CEP350: variants seen among roughly 807,000 people sequenced by gnomAD.
The protein encoded by CEP350 is centrosome-associated protein 350.
CEP350 carries 126 observed loss-of-function variants against 331.8 expected under a neutral mutation model. That is an observed-to-expected ratio of 0.38 (90% CI 0.33 to 0.44). CEP350 has a LOEUF of 0.44. CEP350 is among the 20% of genes least tolerant of loss of function. The pLI, the probability that CEP350 is intolerant of heterozygous loss-of-function variation, is 1.00. For missense variants in CEP350, 3,406 were observed against 3,634.6 expected (o/e 0.94, Z 1.62); for synonymous variants, 1,200 against 1,259.5 (o/e 0.95, Z 1.00).
rs1028199520 is a variant in CEP350, at chr1:180,022,693, G to T, written c.3236-5G>T. 1.2e-6 allele frequency: 2 copies of T among 1,605,166 alleles called. No individual in the cohort carries two copies. The highest frequency in any genetic ancestry group is 1.7e-4 in the Middle Eastern group (1 of 6,042). ...TAACCATGTTTCAATTATTACTTTTGTCAGGGTTTGAAGACAAGTTGGACA... is the reference window on the plus strand; with the variant it reads ...TAACCATGTTTCAATTATTACTTTTTTCAGGGTTTGAAGACAAGTTGGACA... On this transcript the variant is annotated splice_polypyrimidine_tract_variant and splice_region_variant and intron_variant, in intron 12 of 37. Coordinates refer to ENST00000367607, the MANE Select transcript of CEP350 (RefSeq NM_014810.5).
chr1:179,969,510 A>C (rs1311403010), intron 1 of CEP350: 1 of 455,702 alleles, frequency 2.2e-6, no homozygotes, highest in Non-Finnish European at 4.4e-6. Flanking sequence ...AATTGGCCTT[A>C]AGCTGTTCTT....
intron 37 of CEP350, among the ~76,000 whole-genome samples, chr1:180,102,676 G>A (rs975784912): frequency 6.6e-6 from 1 of 151,972 alleles, no homozygotes; most frequent in African/African-American, 2.4e-5. Flanking sequence ...TTCTGAGCTC[G>A]GTTGCATCTA....
Position 180,031,309 on chromosome 1 carries a change from T to A in CEP350, c.3551-11T>A, listed in dbSNP as rs771477890. ...ATTGGGAATCAGCTTTATAAGAAAT[T>A]TACTTTACAGGGTTGGATTCATTCA... On this transcript the variant is annotated splice_polypyrimidine_tract_variant and intron_variant, in intron 14 of 37. Transcript: ENST00000367607. 1 of 1,564,588 alleles carries A rather than the reference T, an allele frequency of 6.4e-7. No individual in the cohort carries two copies. The highest frequency in any genetic ancestry group is 1.1e-5 in the South Asian group (1 of 87,658).
chr1:180,077,562 G>A (rs550347130), intron 28 of CEP350, among the ~76,000 whole-genome samples: 1 of 151,520 alleles, frequency 6.6e-6, no homozygotes, highest in Non-Finnish European at 1.5e-5. Flanking sequence ...AGCTACTTAG[G>A]GGGCAGAGGC....
rs1466771786 is a variant in CEP350, at chr1:180,094,063, A to G, written c.7958A>G (p.Gln2653Arg). 6.2e-7 allele frequency: 1 copy of G among 1,613,910 alleles called. No homozygotes were observed. Among genetic ancestry groups the G allele is most frequent in the East Asian group, 2.2e-5 (1 of 44,874 alleles). Residue 2653 changes from glutamine to arginine, a missense_variant, in exon 34 of 38, where the codon CAG (glutamine) becomes CGG (arginine). Gln to Arg is a conservative substitution (Grantham distance 43, BLOSUM62 1). Transcript: ENST00000367607. ...ISGVLEAHVH[Q>R]QSSVDSQISS... Reference sequence around the variant, plus strand: ...GGGGTACTTGAAGCCCATGTTCACCAGCAGTCTTCAGTGGATTCACAGATT... The same window carrying G: ...GGGGTACTTGAAGCCCATGTTCACCGGCAGTCTTCAGTGGATTCACAGATT...
intron 15 of CEP350, 88 bp from the exon 16 acceptor site, chr1:180,033,774 T>G: frequency 7.5e-7 from 1 of 1,339,874 alleles, no homozygotes; most frequent in South Asian, 1.4e-5. Context: ...TGTTGATAGT[T>G]TTTTTATATG....
intron 1 of CEP350, among the ~76,000 whole-genome samples, chr1:179,966,096 C>T (rs941478948): frequency 4.6e-5 from 7 of 152,110 alleles, no homozygotes; most frequent in Admixed American, 6.5e-5. Flanking sequence ...CTTTTATAAA[C>T]GCTATCTAGG....
At chr1:180,098,037 C>T (rs930620243) in intron 36 of CEP350, among the ~76,000 whole-genome samples, 3 of 152,182 alleles carry the variant, frequency 2.0e-5, no homozygotes, top group Non-Finnish European at 4.4e-5. Flanking sequence ...ATGGCGTGAT[C>T]TCAGCCCACT....
intron 8 of CEP350, among the ~76,000 whole-genome samples, chr1:180,010,627 G>A (rs1290539177): frequency 1.1e-4 from 16 of 149,410 alleles, no homozygotes; most frequent in African/African-American, 3.7e-4. Flanking sequence ...TCTGAGACAG[G>A]ATCTCACTCA....
Position 180,094,462 on chromosome 1 carries a change from A to G in CEP350, c.8357A>G (p.Gln2786Arg), listed in dbSNP as rs573430116. ...GATGAGAAAATCCAGCTTAGCAATC[A>G]GGAGCTTCTTGGTGATGACCAAAAG... ...TRDEKIQLSN[Q>R]ELLGDDQKKV... The change falls in exon 34 of 38, where the codon CAG becomes CGG. Residue 2786 changes from glutamine to arginine, a missense_variant. By Grantham distance (43) the Gln-to-Arg change is conservative. Transcript: ENST00000367607. 2 of 1,613,936 alleles carry G rather than the reference A, an allele frequency of 1.2e-6. No individual in the cohort carries two copies. The highest frequency in any genetic ancestry group is 1.1e-5 in the South Asian group (1 of 91,060).
At chr1:180,012,451 G>A (rs1388375383) in intron 9 of CEP350, among the ~76,000 whole-genome samples, 2 of 152,042 alleles carry the variant, frequency 1.3e-5, no homozygotes, top group African/African-American at 4.8e-5. Context: ...TTTTTTATTT[G>A]ACAGATTAGG....
chr1:180,110,855 T>G (rs1661432178), intron 37 of CEP350, 142 bp from the exon 38 acceptor site: 5 of 688,204 alleles, frequency 7.3e-6, no homozygotes, highest in Non-Finnish European at 1.2e-5. Context: ...AAAAGGGGTA[T>G]TGATATCATA....
rs541399557 is a variant in CEP350, at chr1:180,090,775, G to A, written c.6487G>A (p.Glu2163Lys). 3.6e-5 allele frequency: 55 copies of A among 1,548,604 alleles called. No homozygotes were observed. The highest frequency in any genetic ancestry group is 4.5e-5 in the Non-Finnish European group (51 of 1,144,996). Residue 2163 changes from glutamate to lysine, a missense_variant, in exon 33 of 38, where the codon GAG (glutamate) becomes AAG (lysine). Transcript: ENST00000367607. Reference sequence around the variant, plus strand: ...GTCAGAACGTTCCAGAGGATCCCTGGAGTCTATTGCTGAACATGTTGGTAT... The same window carrying A: ...GTCAGAACGTTCCAGAGGATCCCTGAAGTCTATTGCTGAACATGTTGGTAT... Reference protein sequence around the residue: ...TESERSRGSLESIAEHVDASL... With the variant: ...TESERSRGSLKSIAEHVDASL...
At chr1:180,009,299 T>G (rs1654466931) in intron 8 of CEP350, among the ~76,000 whole-genome samples, 1 of 152,210 alleles carries the variant, frequency 6.6e-6, no homozygotes, top group African/African-American at 2.4e-5. Flanking sequence ...CGTGAGCCAC[T>G]CACCCAGGCA....
chr1:180,018,271 A>T (rs1655096198), intron 11 of CEP350, among the ~76,000 whole-genome samples: 1 of 152,048 alleles, frequency 6.6e-6, no homozygotes, highest in African/African-American at 2.4e-5. Flanking sequence ...CTTCTGCCTC[A>T]GCCTCCCAAG....
intron 37 of CEP350, among the ~76,000 whole-genome samples, chr1:180,104,893 G>A (rs1572009093): frequency 6.6e-6 from 1 of 152,078 alleles, no homozygotes; most frequent in Non-Finnish European, 1.5e-5. Context: ...AGCATAGGCC[G>A]TCACTTCCCC....
chr1:180,066,858 G>A (rs1008418845), intron 27 of CEP350, among the ~76,000 whole-genome samples: 8 of 152,142 alleles, frequency 5.3e-5, no homozygotes, highest in African/African-American at 1.9e-4. Context: ...ATCTCTCATA[G>A]ATTTTTATCA....
At chr1:180,057,958 T>C (rs145658217) in intron 25 of CEP350, among the ~76,000 whole-genome samples, 3 of 152,346 alleles carry the variant, frequency 2.0e-5, no homozygotes, top group African/African-American at 7.2e-5. Context: ...TTGAGGAGAA[T>C]GTGAGTTTGA....
chr1:180,094,650 C>T, intron 34 of CEP350, 34 bp downstream of exon 34: 6 of 1,576,640 alleles, frequency 3.8e-6, no homozygotes, highest in Non-Finnish European at 5.2e-6. Context: ...TATCAGTATA[C>T]CTTTTGACAC....
Sources: gnomAD v4.1 joint callset for allele counts (sites outside exome capture counted in the v4.1 genomes callset) on GRCh38, gnomAD v4.1.1 for gene constraint, MANE v1.5 for transcripts, NCBI Gene and HGNC (gene_info 2026-07-23, HGNC 2026-07-21) for gene names.